Variants in PDK1 observed in about 807,000 individuals in gnomAD.
PDK1 encodes the protein pyruvate dehydrogenase kinase 1, also known as [Pyruvate dehydrogenase (acetyl-transferring)] kinase isozyme 1, mitochondrial.
PDK1 carries 39 observed loss-of-function variants against 54.2 expected under a neutral mutation model. The observed-to-expected ratio is 0.72, with a 90% CI of 0.56 to 0.94. The LOEUF is 0.94. Ranked by LOEUF, PDK1 falls within the 40% of genes least tolerant of loss-of-function variation. PDK1 has a pLI of 0.00. For synonymous variants in PDK1, 221 were observed against 207.1 expected (o/e 1.07, Z -0.58); for missense variants, 552 against 566.0 (o/e 0.98, Z 0.25).
At chr2:172,623,673 C>G in the PDK1 span, among the ~76,000 whole-genome samples, 1 of 152,130 alleles carries the variant, frequency 6.6e-6, no homozygotes. Context: ...CTAAACTTAG[C>G]TTTTCTCCAG....
At chr2:172,662,255 C>T in the PDK1 span, among the ~76,000 whole-genome samples, 1 of 152,076 alleles carries the variant, frequency 6.6e-6, no homozygotes, top group East Asian at 1.9e-4. Flanking sequence ...TACCAGCAAA[C>T]AGCTGTCAGG....
At chr2:172,612,673 GT>G (rs536054323), downstream of PDK1, among the ~76,000 whole-genome samples, 84 of 148,502 alleles carry the variant, frequency 5.7e-4, 1 homozygote, top group South Asian at 0.017. Flanking sequence ...TACCAGTAGT[GT>G]TTTTTTTTTG....
chr2:172,618,575 A>G, the PDK1 span, among the ~76,000 whole-genome samples: 6 of 152,366 alleles, frequency 3.9e-5, no homozygotes, highest in South Asian at 1.2e-3. Flanking sequence ...ATTCTCTAAA[A>G]TAATTTATCT....
At chr2:172,685,766 CTT>C in the PDK1 span, among the ~76,000 whole-genome samples, 1 of 152,136 alleles carries the variant, frequency 6.6e-6, no homozygotes, top group Non-Finnish European at 1.5e-5. Context: ...TCTTAGGTGA[CTT>C]TTTGTTTCTA....
At chr2:172,651,180 C>T in the PDK1 span, among the ~76,000 whole-genome samples, 4 of 151,964 alleles carry the variant, frequency 2.6e-5, no homozygotes, top group Admixed American at 6.6e-5. Context: ...TCACTCAAAA[C>T]CGCTCAACTA....
intron 8 of PDK1, among the ~76,000 whole-genome samples, chr2:172,580,117 C>CGTTTCCTGA (rs539572585): frequency 6.6e-6 from 1 of 151,670 alleles, no homozygotes; most frequent in African/African-American, 2.4e-5. Context: ...CTGCATTGTC[C>CGTTTCCTGA]GTTTCCTGAG....
At chr2:172,565,115 T>C in intron 5 of PDK1, 42 bp downstream of exon 5, 2 of 1,169,318 alleles carry the variant, frequency 1.7e-6, no homozygotes, top group Non-Finnish European at 2.6e-6. Flanking sequence ...GATACAAAAA[T>C]CAAAATTATT....
chr2:172,586,124 A>G (rs557303351), intron 8 of PDK1, among the ~76,000 whole-genome samples, 154 bp from the exon 9 acceptor site: 17 of 147,264 alleles, frequency 1.2e-4, no homozygotes, highest in Non-Finnish European at 2.1e-4. Flanking sequence ...GCACCACTGC[A>G]CTCCAGCCTG....
In PDK1 at chr2:172,603,038, G is replaced by C. The variant is rs1323755809; in HGVS notation, c.*7069G>C. The C allele has an allele frequency of 6.6e-6, 1 of 152,200 alleles. No homozygotes were observed. Among genetic ancestry groups the C allele is most frequent in the Non-Finnish European group, 1.5e-5 (1 of 68,056 alleles). 9.4% of individuals were successfully genotyped at this position (152,200 alleles called of 1,614,324 possible). A position where few individuals can be genotyped will look rare whatever the true frequency, so the allele number is the denominator to read the frequency against. ...CAATGCTCCTGATGCGAATCACCTG[G>C]AGATCTTGAGCAAATGCAGACTGGT... is the stretch of plus-strand genomic sequence containing the variant. On this transcript the variant is annotated 3_prime_UTR_variant, in exon 11 of 11. Transcript: ENST00000282077.
At chr2:172,570,059 C>A (rs1689161289) in intron 7 of PDK1, among the ~76,000 whole-genome samples, 1 of 152,186 alleles carries the variant, frequency 6.6e-6, no homozygotes, top group Non-Finnish European at 1.5e-5. Context: ...TAAGAGGACT[C>A]AATCGCAATT....
chr2:172,581,931 T>C (rs750317110), intron 8 of PDK1, among the ~76,000 whole-genome samples: 3 of 152,080 alleles, frequency 2.0e-5, no homozygotes, highest in Non-Finnish European at 4.4e-5. Context: ...TGTTTTTTTA[T>C]AGATGGAGTG....
intron 3 of PDK1, chr2:172,564,093 C>A (rs925004151): frequency 1.1e-5 from 5 of 472,906 alleles, no homozygotes; most frequent in African/African-American, 1.0e-4. Context: ...GCTCATTCAT[C>A]TTGATTCCTT....
chr2:172,643,677 G>A, the PDK1 span, among the ~76,000 whole-genome samples: 3 of 152,110 alleles, frequency 2.0e-5, no homozygotes, highest in Non-Finnish European at 4.4e-5. Context: ...TGTATGGGCT[G>A]GAATGTCCAC....
At chr2:172,558,045 G>C (rs551244957) in intron 1 of PDK1, 1 of 152,340 alleles carries the variant, frequency 6.6e-6, no homozygotes, top group African/African-American at 2.4e-5. Flanking sequence ...GCCCAGGCTG[G>C]TCCTGAACCG....
intron 2 of PDK1, 27 bp from the exon 3 acceptor site, chr2:172,562,193 A>G: frequency 7.8e-7 from 1 of 1,284,144 alleles, no homozygotes; most frequent in Non-Finnish European, 1.1e-6. Flanking sequence ...TAAAAGAACA[A>G]ACTTATCCTA....
rs1405374008 is a variant in PDK1 at position 172,579,611 on chromosome 2, G to A, written c.946-6667G>A. Among the ~76,000 whole-genome samples the A allele has an allele frequency of 1.2e-4, 18 of 145,044 alleles. No homozygotes were observed. In the Admixed American group the frequency reaches 1.3e-3, roughly 10 times the overall value. ...TATTTTTGCTGATGTCACTCCTGCT[G>A]TTCTTTTTGAGAAGACAACGTTTAT... On this transcript the variant is annotated intron_variant, in intron 8 of 10. Transcript: ENST00000282077.
the PDK1 span, among the ~76,000 whole-genome samples, chr2:172,713,139 G>A: frequency 4.6e-5 from 7 of 152,308 alleles, no homozygotes; most frequent in South Asian, 1.4e-3. Context: ...TGTACAGAGT[G>A]TACAGCTCTC....
At chr2:172,665,510 A>C in the PDK1 span, among the ~76,000 whole-genome samples, 1 of 152,216 alleles carries the variant, frequency 6.6e-6, no homozygotes, top group Admixed American at 6.5e-5. Context: ...TGTGGCTTGC[A>C]TATAAATTCA....
At chr2:172,710,353 T>C in the PDK1 span, among the ~76,000 whole-genome samples, 1 of 152,248 alleles carries the variant, frequency 6.6e-6, no homozygotes, top group Non-Finnish European at 1.5e-5. Context: ...TAATTCAAAG[T>C]ACTCTTAATA....
Sources: allele counts gnomAD v4.1 joint callset (sites outside exome capture counted in the v4.1 genomes callset), GRCh38; gene constraint gnomAD v4.1.1; transcripts MANE v1.5; gene names NCBI Gene and HGNC (gene_info 2026-07-23, HGNC 2026-07-21).